Variants in CLTRN observed in about 807,000 individuals in gnomAD.
CLTRN encodes the protein collectrin, amino acid transport regulator.
A neutral mutation model predicts 14.5 loss-of-function variants in CLTRN; 12 were observed. The observed-to-expected ratio is 0.83, with a 90% CI of 0.53 to 1.34. The LOEUF is 1.34. Ranked by LOEUF, CLTRN falls within the 40% of genes most tolerant of loss-of-function variation. The pLI is 0.00. For synonymous variants in CLTRN, 58 were observed against 56.5 expected, an observed-to-expected ratio of 1.03 and a Z score of -0.12; for missense variants, 154 against 165.1, an observed-to-expected ratio of 0.93 and a Z score of 0.37.
intron 2 of CLTRN, among the ~76,000 whole-genome samples, chrX:15,663,327 G>A (rs1035278522): frequency 8.9e-6 from 1 of 112,236 alleles, no homozygotes; most frequent in East Asian, 2.8e-4. Flanking sequence ...AGTAGAGACA[G>A]TGTATTCTGC....
chrX:15,638,097 C>T (rs906416443), intron 5 of CLTRN, among the ~76,000 whole-genome samples: 1 of 112,198 alleles, frequency 8.9e-6, no homozygotes, highest in African/African-American at 3.2e-5. Flanking sequence ...ACTAATGTTA[C>T]AGTTGTTAGA....
intron 3 of CLTRN, among the ~76,000 whole-genome samples, chrX:15,658,449 T>C (rs1929425044): frequency 8.9e-6 from 1 of 111,935 alleles, no homozygotes; most frequent in Non-Finnish European, 1.9e-5. Context: ...TCATTTTACC[T>C]CTCAAGGGAG....
chrX:15,670,017 T>A (rs941839655), intron 1 of CLTRN, among the ~76,000 whole-genome samples: 2 of 111,652 alleles, frequency 1.8e-5, no homozygotes. Flanking sequence ...GGCTCATGCC[T>A]GTAATCCCAG....
At chrX:15,646,203 C>A (rs904033670) in intron 3 of CLTRN, 2 of 205,424 alleles carry the variant, frequency 9.7e-6, no homozygotes, top group Non-Finnish European at 1.8e-5. Context: ...AAGCTCTGGC[C>A]TGGCCGTGGC....
At chrX:15,640,230 T>C (rs771653386) in intron 4 of CLTRN, among the ~76,000 whole-genome samples, 37 of 112,174 alleles carry the variant, frequency 3.3e-4, no homozygotes, top group African/African-American at 1.1e-3. Flanking sequence ...TTACCACCCC[T>C]TTCCATAGCA....
At chrX:15,656,212 G>A (rs1601733301) in intron 3 of CLTRN, among the ~76,000 whole-genome samples, 6 of 111,960 alleles carry the variant, frequency 5.4e-5, no homozygotes, top group Middle Eastern at 4.6e-3. Flanking sequence ...AGCCATGCAA[G>A]CTTCTACTGT....
chrX:15,664,416 A>C, intron 1 of CLTRN, 21 bp from the exon 2 acceptor site: 1 of 1,158,980 alleles, frequency 8.6e-7, no homozygotes, highest in Middle Eastern at 2.4e-4. Context: ...AGAAAAAAGA[A>C]AGAGCAGTAT....
chrX:15,671,364 G>A (rs888854757), intron 1 of CLTRN, among the ~76,000 whole-genome samples: 13 of 112,411 alleles, frequency 1.2e-4, no homozygotes, highest in Admixed American at 1.1e-3. Flanking sequence ...AAGCCCACAG[G>A]ATACAAGTTA....
chrX:15,668,504 C>T (rs1036592960), upstream of CLTRN, among the ~76,000 whole-genome samples: 2 of 112,244 alleles, frequency 1.8e-5, no homozygotes, highest in African/African-American at 6.5e-5. Context: ...TGATTCAATT[C>T]TTAGATAAAA....
intron 3 of CLTRN, among the ~76,000 whole-genome samples, chrX:15,656,901 T>C (rs962162803): frequency 9.0e-6 from 1 of 111,389 alleles, no homozygotes; most frequent in Admixed American, 9.6e-5. Context: ...CAACTGACAC[T>C]GGCAACAAAA....
chrX:15,668,263 CAAT>C (rs1295107875), upstream of CLTRN, among the ~76,000 whole-genome samples: 3 of 111,873 alleles, frequency 2.7e-5, no homozygotes, highest in Admixed American at 2.8e-4. Flanking sequence ...CAGAGTAATA[CAAT>C]GATGGGAATA....
At chrX:15,646,191 C>T (rs1043966247) in intron 3 of CLTRN, 2 of 180,516 alleles carry the variant, frequency 1.1e-5, no homozygotes, top group Non-Finnish European at 2.1e-5. Context: ...CTGCGCGCCG[C>T]AAAGCTCTGG....
chrX:15,672,624 C>T (rs186500445), intron 1 of CLTRN, among the ~76,000 whole-genome samples: 2 of 111,186 alleles, frequency 1.8e-5, no homozygotes, highest in Admixed American at 1.9e-4. Context: ...TACGTTTCGG[C>T]CAGTGATGAC....
intron 5 of CLTRN, among the ~76,000 whole-genome samples, chrX:15,635,954 A>G (rs1928808456): frequency 8.9e-6 from 1 of 111,892 alleles, no homozygotes; most frequent in Admixed American, 9.5e-5. Context: ...AGAATGCTCA[A>G]CTTCACTAAT....
chrX:15,663,964 T>C (rs1349266010), intron 2 of CLTRN, among the ~76,000 whole-genome samples: 1 of 112,255 alleles, frequency 8.9e-6, no homozygotes, highest in African/African-American at 3.2e-5. Context: ...TTATTTTCAA[T>C]GGTAGAAAAT....
intron 4 of CLTRN, among the ~76,000 whole-genome samples, chrX:15,641,831 C>T (rs781730140): frequency 1.0e-3 from 116 of 111,260 alleles, no homozygotes; most frequent in Non-Finnish European, 1.6e-3. Flanking sequence ...CTGGTGGCTA[C>T]GGTACCGGAC....
chrX:15,646,949 C>G, intron 3 of CLTRN: 1 of 259,235 alleles, frequency 3.9e-6, no homozygotes, highest in Non-Finnish European at 7.4e-6. Flanking sequence ...CTGAGCAGAG[C>G]CCCTACTCCC....
At chrX:15,634,677 G>C (rs781692215) in intron 5 of CLTRN, among the ~76,000 whole-genome samples, 1 of 105,233 alleles carries the variant, frequency 9.5e-6, no homozygotes, top group Non-Finnish European at 1.9e-5. Flanking sequence ...GTAAACTATC[G>C]CAAGAACAAA....
At chrX:15,646,751 G>A in intron 3 of CLTRN, 3 of 339,707 alleles carry the variant, frequency 8.8e-6, no homozygotes, top group Non-Finnish European at 5.9e-6. Flanking sequence ...ATTTCTCTGA[G>A]GCTCGCCTGG....
Sources: gnomAD v4.1 joint callset for allele counts (sites outside exome capture counted in the v4.1 genomes callset) on GRCh38, gnomAD v4.1.1 for gene constraint, MANE v1.5 for transcripts, NCBI Gene and HGNC (gene_info 2026-07-23, HGNC 2026-07-21) for gene names.